Variants in HERC3 observed in about 807,000 individuals in gnomAD.
The protein encoded by HERC3 is HECT and RLD domain containing E3 ubiquitin protein ligase 3.
HERC3 carries 58 observed loss-of-function variants against 129.9 expected under a neutral mutation model. The ratio of observed to expected loss-of-function variants is 0.45; its 90% confidence interval spans 0.36 to 0.56. HERC3 has a LOEUF of 0.56. Among genes scored for constraint, HERC3 ranks in the 20% least tolerant of loss-of-function variants. HERC3 has a pLI of 0.00. For missense variants in HERC3, 835 were observed against 1,244.2 expected, an observed-to-expected ratio of 0.67 and a Z score of 4.95; for synonymous variants, 430 against 451.0, an observed-to-expected ratio of 0.95 and a Z score of 0.59.
the HERC3 span, among the ~76,000 whole-genome samples, chr4:88,551,371 T>C: frequency 0.12 from 17,781 of 143,874 alleles, 1,119 homozygotes; most frequent in Admixed American, 0.2. Context: ...AGAAAATTTT[T>C]GCAACCTACT....
At chr4:88,677,652 C>T (rs924167614) in intron 18 of HERC3, among the ~76,000 whole-genome samples, 3 of 151,764 alleles carry the variant, frequency 2.0e-5, no homozygotes, top group African/African-American at 4.8e-5. Flanking sequence ...TGGTTTTTAC[C>T]CACTTTCTAC....
the HERC3 span, among the ~76,000 whole-genome samples, chr4:88,540,714 C>CA: frequency 1.3e-5 from 2 of 152,252 alleles, no homozygotes; most frequent in Admixed American, 6.5e-5. Flanking sequence ...GGGTTACCCA[C>CA]AAGGGAAGCC....
the HERC3 span, among the ~76,000 whole-genome samples, chr4:88,559,960 A>AATTTTTTTTTTTTTTTTTTTTTTT: frequency 8.4e-6 from 1 of 119,554 alleles, no homozygotes; most frequent in Non-Finnish European, 1.8e-5. Flanking sequence ...GTTATTTTTG[A>AATTTTTTTTTTTTTTTTTTTTTTT]TTTTTTTTTT....
Position 88,687,300 on chromosome 4 carries a change from G to T in HERC3, c.2657+1G>T. 1 of 1,604,124 alleles carries T rather than the reference G, an allele frequency of 6.2e-7. No individual in the cohort carries two copies. Among genetic ancestry groups the T allele is most frequent in the Non-Finnish European group, 8.5e-7 (1 of 1,171,884 alleles). On this transcript the variant is annotated splice_donor_variant, in intron 23 of 25. Coordinates refer to ENST00000402738, the MANE Select transcript of HERC3 (RefSeq NM_014606.3). LOFTEE classifies it high-confidence loss of function. Reference sequence around the variant, plus strand: ...ATGTAACTGTGTGCAAGGATAACAGGTTAGTCCTGACCTTGGACTGTTGCA... The same window carrying T: ...ATGTAACTGTGTGCAAGGATAACAGTTTAGTCCTGACCTTGGACTGTTGCA...
intron 23 of HERC3, among the ~76,000 whole-genome samples, chr4:88,688,510 T>C (rs1432880055): frequency 6.6e-6 from 1 of 152,124 alleles, no homozygotes; most frequent in African/African-American, 2.4e-5. Flanking sequence ...GGAGCTAGTG[T>C]CTGATTATAT....
the HERC3 span, among the ~76,000 whole-genome samples, chr4:88,537,536 A>G: frequency 5.3e-5 from 8 of 152,210 alleles, no homozygotes. Flanking sequence ...AACTCTGATC[A>G]TTTGATTAAA....
At chr4:88,526,024 G>T in the HERC3 span, among the ~76,000 whole-genome samples, 1 of 152,148 alleles carries the variant, frequency 6.6e-6, no homozygotes, top group East Asian at 1.9e-4. Flanking sequence ...CTTCTCACTT[G>T]TGAAATACAA....
At chr4:88,593,594 C>G (rs1721996844) in intron 1 of HERC3, 1 of 152,174 alleles carries the variant, frequency 6.6e-6, no homozygotes, top group Admixed American at 6.5e-5. Context: ...GTACCTAATT[C>G]AGAGAAAAGC....
chr4:88,528,616 C>T, the HERC3 span, among the ~76,000 whole-genome samples: 1 of 152,116 alleles, frequency 6.6e-6, no homozygotes, highest in African/African-American at 2.4e-5. Flanking sequence ...GCTCATGGGA[C>T]CATTGTCACA....
chr4:88,660,295 G>A (rs1253637942), intron 10 of HERC3, among the ~76,000 whole-genome samples: 1 of 151,754 alleles, frequency 6.6e-6, no homozygotes, highest in Non-Finnish European at 1.5e-5. Context: ...TCCACCTCCT[G>A]GTTTCAAGCG....
intron 23 of HERC3, among the ~76,000 whole-genome samples, chr4:88,691,104 A>G (rs1734025897): frequency 6.6e-6 from 1 of 152,260 alleles, no homozygotes; most frequent in African/African-American, 2.4e-5. Context: ...GGATATAAAC[A>G]TGAAAGGTGC....
chr4:88,574,106 T>C, the HERC3 span, among the ~76,000 whole-genome samples: 5 of 152,244 alleles, frequency 3.3e-5, no homozygotes, highest in Admixed American at 6.5e-5. Context: ...ATTTGAAAAC[T>C]GCAGCTCCCT....
chr4:88,681,056 C>T, intron 20 of HERC3, 103 bp from the exon 21 acceptor site: 1 of 1,467,970 alleles, frequency 6.8e-7, no homozygotes, highest in South Asian at 1.4e-5. Flanking sequence ...TTAATGAGAC[C>T]TTTATTCTTT....
chr4:88,694,023 T>C (rs3775403), intron 23 of HERC3, among the ~76,000 whole-genome samples: 21,222 of 152,040 alleles, frequency 0.14, 1,636 homozygotes, highest in East Asian at 0.23. Flanking sequence ...GTGGCAGAAA[T>C]CGCTTGACGT....
At chr4:88,614,782 A>T (rs887835470) in intron 3 of HERC3, among the ~76,000 whole-genome samples, 3 of 152,172 alleles carry the variant, frequency 2.0e-5, no homozygotes, top group Admixed American at 1.3e-4. Context: ...AAACTTCTAG[A>T]TTCCTCATTT....
chr4:88,561,722 T>G, the HERC3 span, among the ~76,000 whole-genome samples: 6 of 152,222 alleles, frequency 3.9e-5, 1 homozygote. Flanking sequence ...AGTTCAATTG[T>G]TTTAATTTTT....
chr4:88,663,000 GAA>G lies in HERC3; in HGVS notation c.1271+457_1271+458del, dbSNP rs74872768. On this transcript the variant is annotated intron_variant, in intron 11 of 25. Coordinates refer to ENST00000402738, the MANE Select transcript of HERC3 (RefSeq NM_014606.3). ...TGAGATGGTAATTCAGAGTCATGTA[GAA>G]AAAAAAAAAAACAACAGTAAGTAGG... is the stretch of plus-strand genomic sequence containing the variant. 5.5e-5 allele frequency among the ~76,000 whole-genome samples: 7 copies of G among 127,410 alleles called. No individual in the cohort carries two copies. The East Asian group carries it at 8.9e-4, about 16-fold the overall frequency. 83.6% of individuals were successfully genotyped at this position (127,410 alleles called of 152,430 possible).
intron 23 of HERC3, chr4:88,696,917 T>A: frequency 2.8e-6 from 1 of 353,720 alleles, no homozygotes; most frequent in Non-Finnish European, 5.0e-6. Context: ...TAACACCCTT[T>A]GTAAACCTCA....
At chr4:88,639,156 G>C (rs1727787014) in intron 3 of HERC3, among the ~76,000 whole-genome samples, 1 of 152,128 alleles carries the variant, frequency 6.6e-6, no homozygotes, top group South Asian at 2.1e-4. Context: ...CATGAAAATG[G>C]TCATACTGCC....
Sources: allele counts gnomAD v4.1 joint callset (sites outside exome capture counted in the v4.1 genomes callset), GRCh38; gene constraint gnomAD v4.1.1; transcripts MANE v1.5; gene names NCBI Gene and HGNC (gene_info 2026-07-23, HGNC 2026-07-21).